ZSCAN5A: variants seen among roughly 807,000 people sequenced by gnomAD.
The protein encoded by ZSCAN5A is zinc finger and SCAN domain-containing protein 5A.
ZSCAN5A carries 12 observed loss-of-function variants against 23.7 expected under a neutral mutation model. The observed-to-expected ratio is 0.51, with a 90% confidence interval of 0.32 to 0.82. ZSCAN5A has a LOEUF of 0.82. Among genes scored for constraint, ZSCAN5A ranks in the 40% least tolerant of loss-of-function variants. The probability of loss-of-function intolerance (pLI) is 0.03; values close to 1 mark genes in which losing one functional copy is unlikely to be tolerated. For synonymous variants in ZSCAN5A, 257 were observed against 239.9 expected (o/e 1.07, Z -0.66); for missense variants, 597 against 617.9 (o/e 0.97, Z 0.36).
At chr19:56,313,655 T>C (rs1266831298) in intron 1 of ZSCAN5A, among the ~76,000 whole-genome samples, 2 of 152,218 alleles carry the variant, frequency 1.3e-5, no homozygotes, top group East Asian at 1.9e-4. Context: ...CTTTTATCAT[T>C]AGGAGGTTTC....
Position 56,312,711 on chromosome 19 carries a change from G to A in ZSCAN5A, c.-128+572C>T, listed in dbSNP as rs79302084. Among the ~76,000 whole-genome samples, 1,564 of 152,342 alleles carry A rather than the reference G, an allele frequency of 0.01. 76 individuals carry two copies. In the East Asian group the frequency reaches 0.14, roughly 14 times the overall value. ...GGGAAGGGGTACATGAGAATGCTCTGTACTGTATCATTGCAACTTTTCTGT... is the reference window on the plus strand; with the variant it reads ...GGGAAGGGGTACATGAGAATGCTCTATACTGTATCATTGCAACTTTTCTGT... On this transcript the variant is annotated intron_variant, in intron 2 of 5. Transcript: ENST00000683990.
upstream of ZSCAN5A, chr19:56,316,909 T>G (rs1349213230): frequency 6.6e-6 from 1 of 152,294 alleles, no homozygotes; most frequent in African/African-American, 2.4e-5. Flanking sequence ...TGATCTTGGC[T>G]CACTGTAGCC....
At chr19:56,353,577 A>G (rs1193737368) in intron 2 of ZSCAN5A, among the ~76,000 whole-genome samples, 1 of 151,988 alleles carries the variant, frequency 6.6e-6, no homozygotes, top group Non-Finnish European at 1.5e-5. Context: ...GGAGATCGAG[A>G]CCATCCTGGC....
chr19:56,240,107 A>T (rs7250993), intron 2 of ZSCAN5A, among the ~76,000 whole-genome samples: 8,056 of 151,986 alleles, frequency 0.053, 493 homozygotes, highest in African/African-American at 0.15. Flanking sequence ...GCTTGCAGTG[A>T]GCCGAGATCA....
At chr19:56,273,231 T>C (rs2037985522) in intron 2 of ZSCAN5A, among the ~76,000 whole-genome samples, 1 of 152,218 alleles carries the variant, frequency 6.6e-6, no homozygotes, top group African/African-American at 2.4e-5. Context: ...CCCCAGTTCA[T>C]GGGACTGTTG....
At chr19:56,342,734 C>T (rs931377647) in intron 2 of ZSCAN5A, 1 of 678,162 alleles carries the variant, frequency 1.5e-6, no homozygotes, top group Non-Finnish European at 2.7e-6. Context: ...TCTGTGTCCT[C>T]CCTGATATTC....
chr19:56,350,996 C>G (rs752708290), intron 2 of ZSCAN5A, among the ~76,000 whole-genome samples: 15 of 152,072 alleles, frequency 9.9e-5, no homozygotes, highest in Non-Finnish European at 2.2e-4. Context: ...TGCTGTCCCC[C>G]CCCAACCACA....
At chr19:56,348,195 G>T (rs988445310) in intron 2 of ZSCAN5A, 1 of 152,194 alleles carries the variant, frequency 6.6e-6, no homozygotes, top group African/African-American at 2.4e-5. Flanking sequence ...GAAATTAAAG[G>T]AAGGAAAGTA....
chr19:56,310,852 C>A (rs2869159), intron 2 of ZSCAN5A, among the ~76,000 whole-genome samples: 58,458 of 151,940 alleles, frequency 0.38, 11,531 homozygotes, highest in Middle Eastern at 0.53. Context: ...CCCAGCTCCA[C>A]CCCTTAATAG....
chr19:56,320,060 C>T (rs1195258455), intron 2 of ZSCAN5A: 1 of 786,558 alleles, frequency 1.3e-6, no homozygotes, highest in Admixed American at 1.7e-5. Context: ...ATCAGACTTA[C>T]AAAATCTCTT....
Position 56,225,023 on chromosome 19 carries a change from T to C in ZSCAN5A, c.24A>G (p.Ser8=), listed in dbSNP as rs373938329. 29 of 1,604,662 alleles carry C rather than the reference T, an allele frequency of 1.8e-5. No homozygotes were observed. Among genetic ancestry groups the C allele is most frequent in the Non-Finnish European group, 2.4e-5 (28 of 1,173,994 alleles). Residue 8 remains serine, a synonymous_variant, in exon 3 of 6, where the codon TCA becomes TCG. Transcript: ENST00000683990. The part of the protein sequence containing the change: MAANCTS[S]WSLGESCNRP... ...TGTTGCAGGATTCTCCTAGACTCCA[T>C]GAGGATGTGCAATTTGCAGCCATAT...
rs1161130247 is a variant in ZSCAN5A at position 56,328,864 on chromosome 19, G to A, written c.-357-12596C>T. On this transcript the variant is annotated intron_variant, in intron 2 of 6. Transcript: ENST00000587340. ...AAAAAAATTAGCTGGGCATGGTGGCGGGCATCTGTAGTCCCAGCTGCTGGG... is the reference window on the plus strand; with the variant it reads ...AAAAAAATTAGCTGGGCATGGTGGCAGGCATCTGTAGTCCCAGCTGCTGGG... Among the ~76,000 whole-genome samples, 8 of 150,594 alleles carry A rather than the reference G, an allele frequency of 5.3e-5. No individual in the cohort carries two copies. The South Asian group carries it at 1.3e-3, about 24-fold the overall frequency.
At chr19:56,250,810 C>T (rs1296146983) in intron 2 of ZSCAN5A, among the ~76,000 whole-genome samples, 1 of 152,190 alleles carries the variant, frequency 6.6e-6, no homozygotes, top group Non-Finnish European at 1.5e-5. Flanking sequence ...ACACTCTTTA[C>T]ATTTTATTTT....
At chr19:56,270,525 C>T (rs967356373) in intron 2 of ZSCAN5A, among the ~76,000 whole-genome samples, 3 of 152,140 alleles carry the variant, frequency 2.0e-5, no homozygotes, top group Admixed American at 6.5e-5. Flanking sequence ...ATATTACATA[C>T]GTGTACTGGA....
rs576019276 is a variant in ZSCAN5A at position 56,278,386 on chromosome 19, G to A, written c.-128+34897C>T. On this transcript the variant is annotated intron_variant, in intron 2 of 5. Transcript: ENST00000683990. ...TGACCTCAAGTGATCTGCCCACCTC[G>A]GTCTCCCAAAGTGCTGGGATTACAG... Among the ~76,000 whole-genome samples the A allele has an allele frequency of 2.0e-4, 31 of 152,164 alleles. No homozygotes were observed. In the East Asian group the frequency reaches 3.5e-3, roughly 17 times the overall value.
At chr19:56,329,000 A>C (rs886995514) in intron 2 of ZSCAN5A, among the ~76,000 whole-genome samples, 3 of 149,274 alleles carry the variant, frequency 2.0e-5, no homozygotes, top group African/African-American at 7.5e-5. Flanking sequence ...GTCTCAAAAA[A>C]AAAAAAAAAT....
At chr19:56,319,572 G>A (rs1480606989), upstream of ZSCAN5A, among the ~76,000 whole-genome samples, 1 of 149,322 alleles carries the variant, frequency 6.7e-6, no homozygotes, top group Non-Finnish European at 1.5e-5. Context: ...CTTGAAATCA[G>A]TTCATTTCCA....
chr19:56,262,413 T>G (rs2037188060), intron 2 of ZSCAN5A, among the ~76,000 whole-genome samples: 1 of 151,824 alleles, frequency 6.6e-6, no homozygotes, highest in South Asian at 2.1e-4. Flanking sequence ...TTTCTAATTT[T>G]TTTTTTTTTG....
At chr19:56,230,094 C>A (rs556947848) in intron 2 of ZSCAN5A, among the ~76,000 whole-genome samples, 2 of 152,190 alleles carry the variant, frequency 1.3e-5, no homozygotes, top group African/African-American at 4.8e-5. Flanking sequence ...CTAAGACTTT[C>A]CCAACACATT....
Sources: allele counts gnomAD v4.1 joint callset (sites outside exome capture counted in the v4.1 genomes callset), GRCh38; gene constraint gnomAD v4.1.1; transcripts MANE v1.5; gene names NCBI Gene and HGNC (gene_info 2026-07-23, HGNC 2026-07-21).